PPP2R2B: variants seen among roughly 807,000 people sequenced by gnomAD.
PPP2R2B encodes the protein protein phosphatase 2 regulatory subunit Bbeta.
A neutral mutation model predicts 46.0 loss-of-function variants in PPP2R2B; 5 were observed. That is an observed-to-expected ratio of 0.11 (90% CI 0.06 to 0.23). PPP2R2B has a LOEUF of 0.23. PPP2R2B is among the 10% of genes least tolerant of loss of function. PPP2R2B has a pLI of 1.00. For missense variants in PPP2R2B, 367 were observed against 575.0 expected, an observed-to-expected ratio of 0.64 and a Z score of 3.70; for synonymous variants, 215 against 206.7, an observed-to-expected ratio of 1.04 and a Z score of -0.34.
chr5:147,077,670 A>C (rs1580892683), intron 2 of PPP2R2B, among the ~76,000 whole-genome samples: 1 of 152,268 alleles, frequency 6.6e-6, no homozygotes, highest in African/African-American at 2.4e-5. Flanking sequence ...ATGACATCTA[A>C]GATATGTTGG....
chr5:146,983,335 C>T (rs1320074868), intron 1 of PPP2R2B, among the ~76,000 whole-genome samples: 1 of 151,832 alleles, frequency 6.6e-6, no homozygotes, highest in Non-Finnish European at 1.5e-5. Context: ...CGTCCGCCAC[C>T]ACGCCCGGCT....
intron 2 of PPP2R2B, among the ~76,000 whole-genome samples, chr5:146,799,018 G>A (rs1161515923): frequency 6.6e-6 from 1 of 152,086 alleles, no homozygotes; most frequent in Admixed American, 6.6e-5. Context: ...TGAATACTCC[G>A]AGGTGACTTT....
intron 5 of PPP2R2B, among the ~76,000 whole-genome samples, chr5:146,677,540 C>A: frequency 6.9e-6 from 1 of 144,816 alleles, no homozygotes; most frequent in African/African-American, 2.5e-5. Flanking sequence ...TCCCTCCCTC[C>A]CTCCCTCCCT....
At chr5:146,711,428 A>G (rs946515234) in intron 2 of PPP2R2B, among the ~76,000 whole-genome samples, 2 of 152,234 alleles carry the variant, frequency 1.3e-5, no homozygotes, top group African/African-American at 4.8e-5. Flanking sequence ...AAGCAAGAAA[A>G]AGTTCTCATT....
intron 1 of PPP2R2B, among the ~76,000 whole-genome samples, chr5:147,036,478 A>G (rs1472226341): frequency 6.6e-6 from 1 of 152,208 alleles, no homozygotes; most frequent in African/African-American, 2.4e-5. Flanking sequence ...ATGAACATAT[A>G]CATGCATATA....
intron 2 of PPP2R2B, among the ~76,000 whole-genome samples, chr5:146,864,837 C>T (rs892175007): frequency 3.1e-4 from 47 of 152,214 alleles, no homozygotes; most frequent in African/African-American, 1.1e-3. Context: ...CTAGGATAAA[C>T]TTAAGCACCT....
intron 2 of PPP2R2B, among the ~76,000 whole-genome samples, chr5:146,868,575 G>A (rs904955181): frequency 6.6e-6 from 1 of 152,164 alleles, no homozygotes; most frequent in African/African-American, 2.4e-5. Context: ...GAAGCCCAGA[G>A]AATAAAAGTG....
intron 6 of PPP2R2B, among the ~76,000 whole-genome samples, chr5:146,642,468 C>A (rs991622060): frequency 3.9e-5 from 6 of 152,122 alleles, no homozygotes; most frequent in African/African-American, 1.2e-4. Context: ...AAAAGATTGA[C>A]AACTTAAATA....
At chr5:147,055,980 C>T (rs944305085), upstream of PPP2R2B, 50 of 1,355,020 alleles carry the variant, frequency 3.7e-5, no homozygotes, top group African/African-American at 2.2e-4. Context: ...CCAAGCAAGC[C>T]GGGATATAGC....
intron 4 of PPP2R2B, among the ~76,000 whole-genome samples, chr5:146,695,264 T>C (rs2151159211): frequency 6.6e-6 from 1 of 152,300 alleles, no homozygotes; most frequent in East Asian, 1.9e-4. Context: ...ATGGGAACAC[T>C]TTTATTATTT....
At chr5:147,040,804 T>C in intron 1 of PPP2R2B, 1 of 431,072 alleles carries the variant, frequency 2.3e-6, no homozygotes, top group Non-Finnish European at 4.6e-6. Flanking sequence ...AAGATGAGTT[T>C]CCTTAAAAAA....
chr5:146,821,066 T>A (rs145994151), intron 2 of PPP2R2B, among the ~76,000 whole-genome samples: 10 of 152,022 alleles, frequency 6.6e-5, no homozygotes, highest in African/African-American at 2.4e-4. Flanking sequence ...ACACCCTGGC[T>A]TCTCACCAGG....
intron 1 of PPP2R2B, chr5:146,919,864 G>A (rs539447592): frequency 6.6e-6 from 1 of 152,198 alleles, no homozygotes; most frequent in South Asian, 2.1e-4. Flanking sequence ...AAAAATAGTT[G>A]GGCACTGAAT....
At chr5:146,785,933 C>T (rs1017640466) in intron 2 of PPP2R2B, among the ~76,000 whole-genome samples, 1 of 151,810 alleles carries the variant, frequency 6.6e-6, no homozygotes, top group Non-Finnish European at 1.5e-5. Context: ...AAAATATAGT[C>T]AGATAGAAGA....
chr5:146,744,353 C>T (rs1464478904), intron 2 of PPP2R2B, among the ~76,000 whole-genome samples: 2 of 152,156 alleles, frequency 1.3e-5, no homozygotes, highest in African/African-American at 2.4e-5. Context: ...AAGCTATTTG[C>T]TCTTGAGGAA....
chr5:146,670,452 TTTC>T (rs143905891), intron 5 of PPP2R2B, among the ~76,000 whole-genome samples: 15,758 of 151,214 alleles, frequency 0.1, 961 homozygotes, highest in African/African-American at 0.16. Flanking sequence ...CCCTTCAGAT[TTTC>T]TTATCTGTTT....
intron 2 of PPP2R2B, among the ~76,000 whole-genome samples, chr5:146,701,603 T>C (rs894224090): frequency 6.6e-6 from 1 of 151,958 alleles, no homozygotes; most frequent in African/African-American, 2.4e-5. Flanking sequence ...ACATGGAAAA[T>C]GGAGGAACAG....
intron 2 of PPP2R2B, among the ~76,000 whole-genome samples, chr5:146,856,033 A>T (rs1241518840): frequency 6.6e-6 from 1 of 152,198 alleles, no homozygotes; most frequent in African/African-American, 2.4e-5. Flanking sequence ...GTTATATTCA[A>T]AGTAAGATGC....
Position 146,964,914 on chromosome 5 carries a change from G to A in PPP2R2B, c.79+90751C>T, listed in dbSNP as rs190488036. On this transcript the variant is annotated intron_variant, in intron 1 of 8. Transcript: ENST00000336640. The stretch of plus-strand genomic sequence containing the variant: ...TGCCATCTATTATTTGGGTGACTGT[G>A]AACAAGTCACTCCTCTCTGGGGCTC... Among the ~76,000 whole-genome samples the A allele has an allele frequency of 7.4e-4, 112 of 152,168 alleles. 1 individual carries two copies. Among genetic ancestry groups the A allele is most frequent in the Non-Finnish European group, 1.3e-3 (91 of 68,006 alleles).
Sources: allele counts gnomAD v4.1 joint callset (sites outside exome capture counted in the v4.1 genomes callset), GRCh38; gene constraint gnomAD v4.1.1; transcripts MANE v1.5; gene names NCBI Gene and HGNC (gene_info 2026-07-23, HGNC 2026-07-21).